HMCN2: variants seen among roughly 807,000 people sequenced by gnomAD.
The protein encoded by HMCN2 is hemicentin 2.
In HMCN2, 325 loss-of-function variants were observed where a neutral mutation model predicts 377.5. The observed-to-expected ratio is 0.86, with a 90% CI of 0.79 to 0.94. The LOEUF is 0.94. HMCN2 is among the 40% of genes least tolerant of loss of function. The pLI is 0.00. For synonymous variants in HMCN2, 2,007 were observed against 2,046.8 expected, an observed-to-expected ratio of 0.98 and a Z score of 0.53; for missense variants, 4,543 against 4,725.3, an observed-to-expected ratio of 0.96 and a Z score of 1.13.
chr9:130,310,152 A>G, intron 15 of HMCN2, 91 bp downstream of exon 15: 1 of 402,464 alleles, frequency 2.5e-6, no homozygotes, highest in Non-Finnish European at 5.1e-6. Flanking sequence ...GCTCTCTCAC[A>G]CAAGTGGCCA....
At chr9:130,330,603 C>T (rs1304231267) in intron 22 of HMCN2, among the ~76,000 whole-genome samples, 1 of 151,926 alleles carries the variant, frequency 6.6e-6, no homozygotes, top group Non-Finnish European at 1.5e-5. Flanking sequence ...GTATCTTCGA[C>T]CCCCCCAAGT....
chr9:130,353,232 G>T (rs929066503), intron 31 of HMCN2, 27 bp downstream of exon 31: 2 of 1,298,160 alleles, frequency 1.5e-6, no homozygotes, highest in Non-Finnish European at 2.0e-6. Context: ...CACGGCAGCC[G>T]GGGTGGGCAG....
rs1418703697 is a variant in HMCN2 at position 130,371,427 on chromosome 9, C to A, written c.7237+296C>A. ...ATAAGTCCTGCAGAAAAAAAAAAAA[C>A]AAACTTTGGCACTTATATATAACAT... On this transcript the variant is annotated intron_variant, in intron 46 of 97. Transcript: ENST00000683500. Among the ~76,000 whole-genome samples, 152 of 129,546 alleles carry A rather than the reference C, an allele frequency of 1.2e-3. 1 individual carries two copies. In the East Asian group the frequency reaches 0.025, roughly 21 times the overall value. The allele number at this position is 129,546 out of a possible 152,430, so 85.0% of individuals were successfully genotyped here.
intron 8 of HMCN2, among the ~76,000 whole-genome samples, chr9:130,300,892 C>T (rs1836468953): frequency 6.6e-6 from 1 of 152,270 alleles, no homozygotes; most frequent in South Asian, 2.1e-4. Context: ...CACTGGCCAT[C>T]TGGCTTCCTT....
chr9:130,356,552 T>C (rs10751517), intron 34 of HMCN2, among the ~76,000 whole-genome samples: 138,785 of 152,308 alleles, frequency 0.91, 64,413 homozygotes, highest in Non-Finnish European at 0.99. Context: ...CTCTTTCTCT[T>C]GTCTTCGTCT....
Position 130,424,779 on chromosome 9 carries a change from C to T in HMCN2, c.13385C>T (p.Pro4462Leu). ...CTCTATGCCCTGCCCCACCCAGGGC[C>T]TCTGATGCGGGTGCTCGTGGTCACC... is the stretch of plus-strand genomic sequence containing the variant. ...SIRHVPANVG[P>L]LMRVLVVTIA... The change falls in exon 88 of 98, where the codon CCT becomes CTT. Residue 4462 changes from proline to leucine, a missense_variant. Physicochemically the swap from Pro to Leu is moderately conservative, Grantham distance 98 (BLOSUM62 -3). This residue lies in a region of HMCN2 where 1,155 missense variants were observed against 1,157.7 expected (regional missense o/e 1.00). Transcript: ENST00000683500. 1 of 1,537,452 alleles carries T rather than the reference C, an allele frequency of 6.5e-7. No homozygotes were observed. Among genetic ancestry groups the T allele is most frequent in the Non-Finnish European group, 8.8e-7 (1 of 1,139,992 alleles).
At position 130,423,469 on chromosome 9, in the gene HMCN2, G is replaced by A. The variant is rs1844132740; in HGVS notation, c.13381+743G>A. ...TGGCTGTCAGCAGACAGCAGATGAA[G>A]CGAGACGCTGCCCAGACATGGCTGC... is the stretch of plus-strand genomic sequence containing the variant. On this transcript the variant is annotated intron_variant, in intron 87 of 97. Coordinates refer to ENST00000683500, the MANE Select transcript of HMCN2 (RefSeq NM_001291815.2). This position sits in a 1 kb window ranked among gnomAD's most constrained non-coding sequence, Gnocchi z 5.5. 6.6e-6 allele frequency among the ~76,000 whole-genome samples: 1 copy of A among 152,236 alleles called. No homozygotes were observed. Among genetic ancestry groups the A allele is most frequent in the Non-Finnish European group, 1.5e-5 (1 of 68,034 alleles).
chr9:130,433,260 G>A (rs1011670151), intron 97 of HMCN2, 88 bp from the exon 98 acceptor site: 8 of 1,062,854 alleles, frequency 7.5e-6, no homozygotes, highest in Non-Finnish European at 8.9e-6. Flanking sequence ...AACTGCAGGG[G>A]CTGGCAGGGA....
At chr9:130,317,318 A>G (rs1036262158) in intron 15 of HMCN2, among the ~76,000 whole-genome samples, 3 of 152,122 alleles carry the variant, frequency 2.0e-5, no homozygotes, top group Admixed American at 6.5e-5. Context: ...TCATTGAGCC[A>G]TGAGTGAAAT....
intron 22 of HMCN2, among the ~76,000 whole-genome samples, chr9:130,330,524 C>A (rs939182825): frequency 3.3e-5 from 5 of 152,254 alleles, no homozygotes; most frequent in East Asian, 3.9e-4. Flanking sequence ...TGCACAGACA[C>A]GCAGACACAC....
intron 81 of HMCN2, among the ~76,000 whole-genome samples, chr9:130,405,454 A>G (rs933477045): frequency 6.6e-6 from 1 of 152,108 alleles, no homozygotes; most frequent in Non-Finnish European, 1.5e-5. Context: ...TCCCCTCAGC[A>G]CTCATCAGAT....
intron 84 of HMCN2, 101 bp downstream of exon 84, chr9:130,409,034 C>A: frequency 1.2e-6 from 1 of 803,088 alleles, no homozygotes; most frequent in Non-Finnish European, 1.7e-6. Context: ...TCTGCTTCTG[C>A]AGTGTACAAA....
intron 55 of HMCN2, among the ~76,000 whole-genome samples, 161 bp from the exon 56 acceptor site, chr9:130,382,518 G>A (rs1841784270): frequency 6.6e-6 from 1 of 152,130 alleles, no homozygotes; most frequent in South Asian, 2.1e-4. Flanking sequence ...CCCTTTCTGT[G>A]CCCCCGATTC....
Position 130,304,919 on chromosome 9 carries a change from T to A in HMCN2, c.1733T>A (p.Ile578Asn), listed in dbSNP as rs970218982. 3.2e-5 allele frequency: 15 copies of A among 470,944 alleles called. No homozygotes were observed. The highest frequency in any genetic ancestry group is 6.6e-5 in the Non-Finnish European group (15 of 227,050). 29.2% of individuals were successfully genotyped at this position (470,944 alleles called of 1,614,324 possible). ...ADLSLEISGI[I>N]PTDGGRYQCV... The stretch of plus-strand genomic sequence containing the variant: ...CTGTCCCTGGAGATCAGTGGCATCA[T>A]CCCCACAGACGGCGGGAGGTACCAG... Residue 578 changes from isoleucine (I) to asparagine (N), a missense_variant, in exon 11 of 98, where the codon ATC becomes AAC. Coordinates refer to ENST00000683500, the MANE Select transcript of HMCN2 (RefSeq NM_001291815.2). The surrounding 1 kb of genome is among the most constrained non-coding windows in gnomAD (Gnocchi z 4.3).
intron 11 of HMCN2, among the ~76,000 whole-genome samples, chr9:130,305,381 T>A (rs1257636254): frequency 6.6e-6 from 1 of 152,038 alleles, no homozygotes; most frequent in Non-Finnish European, 1.5e-5. Flanking sequence ...AGGTCAGATG[T>A]ATTTGGCAGA....
intron 19 of HMCN2, among the ~76,000 whole-genome samples, chr9:130,323,288 C>G (rs1389743524): frequency 3.3e-5 from 5 of 152,152 alleles, no homozygotes; most frequent in Admixed American, 6.5e-5. Context: ...GCTCCAAGTG[C>G]TAGCGTGAGA....
intron 80 of HMCN2, 50 bp from the exon 81 acceptor site, chr9:130,404,819 C>A: frequency 8.5e-7 from 1 of 1,169,860 alleles, no homozygotes; most frequent in Non-Finnish European, 1.1e-6. Flanking sequence ...AGGATGGTGT[C>A]AGCCGCCTCC....
rs183957815 is a variant in HMCN2, at chr9:130,291,370, C to T, written c.613-3485C>T. Among the ~76,000 whole-genome samples the T allele has an allele frequency of 2.2e-3, 330 of 152,222 alleles. 1 individual carries two copies. Among genetic ancestry groups the T allele is most frequent in the Non-Finnish European group, 2.6e-3 (180 of 68,008 alleles). ...GATTACGGGCGCCTGCCACCACACCCGGCTAATTTTTGTATTTTTAGTAGA... is the reference window on the plus strand; with the variant it reads ...GATTACGGGCGCCTGCCACCACACCTGGCTAATTTTTGTATTTTTAGTAGA... On this transcript the variant is annotated intron_variant, in intron 4 of 97. Transcript: ENST00000683500.
In HMCN2 at chr9:130,358,760, G is replaced by A. The variant is rs185803014; in HGVS notation, c.5677+274G>A. Among the ~76,000 whole-genome samples, 1,180 of 151,712 alleles carry A rather than the reference G, an allele frequency of 7.8e-3. 10 individuals are homozygous for A. Among genetic ancestry groups the A allele is most frequent in the African/African-American group, 0.027 (1,132 of 41,278 alleles). On this transcript the variant is annotated intron_variant, in intron 36 of 97. Transcript: ENST00000683500. ...ACTATCTCGGCTCACCGCAAGCTCCGCCTGCCGGGTTCACGCCATTCTCCT... is the reference window on the plus strand; with the variant it reads ...ACTATCTCGGCTCACCGCAAGCTCCACCTGCCGGGTTCACGCCATTCTCCT...
Sources: allele counts gnomAD v4.1 joint callset (sites outside exome capture counted in the v4.1 genomes callset), GRCh38; gene constraint gnomAD v4.1.1; regional missense constraint gnomAD v4.1.1; non-coding constraint Gnocchi (gnomAD v3.1); transcripts MANE v1.5; gene names NCBI Gene and HGNC (gene_info 2026-07-23, HGNC 2026-07-21).